Variants in WDFY4 observed in about 807,000 individuals in gnomAD.
The protein encoded by WDFY4 is WD repeat- and FYVE domain-containing protein 4.
A neutral mutation model predicts 351.9 loss-of-function variants in WDFY4; 169 were observed. The ratio of observed to expected loss-of-function variants is 0.48; its 90% CI spans 0.42 to 0.55. The LOEUF is 0.55. Among genes scored for constraint, WDFY4 ranks in the 20% least tolerant of loss-of-function variants. The pLI, the probability that WDFY4 is intolerant of heterozygous loss-of-function variation, is 0.00. For synonymous variants in WDFY4, 1,622 were observed against 1,574.6 expected, an observed-to-expected ratio of 1.03 and a Z score of -0.71; for missense variants, 3,803 against 3,935.6, an observed-to-expected ratio of 0.97 and a Z score of 0.90.
chr10:48,776,996 T>C lies in WDFY4; in HGVS notation c.3098+12T>C, dbSNP rs2066053021. 6.5e-7 allele frequency: 1 copy of C among 1,540,636 alleles called. No individual in the cohort carries two copies. Among genetic ancestry groups the C allele is most frequent in the South Asian group, 1.2e-5 (1 of 82,306 alleles). On this transcript the variant is annotated intron_variant, in intron 16 of 61. Transcript: ENST00000325239. ...GTGGAAGGTTATGGGTATGACAGGC[T>C]TTCACATATTTAAAATGCACTTTAT...
At chr10:48,726,409 T>C (rs1274973340) in intron 6 of WDFY4, among the ~76,000 whole-genome samples, 2 of 152,260 alleles carry the variant, frequency 1.3e-5, no homozygotes, top group African/African-American at 4.8e-5. Flanking sequence ...TAGCTATTAA[T>C]GCCATTTTAG....
intron 61 of WDFY4, among the ~76,000 whole-genome samples, chr10:48,981,760 T>A (rs1012796483): frequency 3.9e-5 from 6 of 152,208 alleles, no homozygotes; most frequent in Admixed American, 2.6e-4. Flanking sequence ...GAGGTATAAG[T>A]ATATTGTTTT....
At chr10:48,703,256 G>A (rs921111865) in intron 1 of WDFY4, among the ~76,000 whole-genome samples, 4 of 152,148 alleles carry the variant, frequency 2.6e-5, no homozygotes, top group Admixed American at 6.5e-5. Flanking sequence ...TGTTTGGATC[G>A]GCTGACAAGC....
intron 37 of WDFY4, among the ~76,000 whole-genome samples, chr10:48,830,009 G>A (rs1050783608): frequency 6.6e-6 from 1 of 152,310 alleles, no homozygotes; most frequent in East Asian, 1.9e-4. Context: ...GCTGGGCACT[G>A]TCCATTCCCT....
At chr10:48,751,993 A>G (rs2065198619) in intron 12 of WDFY4, among the ~76,000 whole-genome samples, 2 of 152,178 alleles carry the variant, frequency 1.3e-5, no homozygotes, top group African/African-American at 4.8e-5. Flanking sequence ...TCCCAAAGAT[A>G]CAGGCACTTT....
chr10:48,823,221 G>T, intron 35 of WDFY4: 1 of 1,302,920 alleles, frequency 7.7e-7, no homozygotes, highest in Non-Finnish European at 1.0e-6. Context: ...TTCCTGACAA[G>T]CCTCCAGGAA....
intron 49 of WDFY4, among the ~76,000 whole-genome samples, chr10:48,945,348 C>G (rs1452010292): frequency 6.6e-6 from 1 of 152,100 alleles, no homozygotes; most frequent in Non-Finnish European, 1.5e-5. Context: ...TCCATACCAG[C>G]CTGGGCAACA....
chr10:48,731,213 C>A lies in WDFY4; in HGVS notation c.1233C>A (p.Thr411=). 13 of 1,551,816 alleles carry A rather than the reference C, an allele frequency of 8.4e-6. No homozygotes were observed. Among genetic ancestry groups the A allele is most frequent in the African/African-American group, 1.4e-5 (1 of 73,158 alleles). Reference sequence around the variant, plus strand: ...TACAAGTCTTGTCAGTCATCAGGACCATGTGGGCCTGGAATGCTCGAAACT... The same window carrying A: ...TACAAGTCTTGTCAGTCATCAGGACAATGTGGGCCTGGAATGCTCGAAACT... ...LCIQVLSVIR[T]MWAWNARNFF... Residue 411 remains threonine, a synonymous_variant, in exon 9 of 62, where the codon ACC becomes ACA. Transcript: ENST00000325239.
In WDFY4 at chr10:48,786,703, T is replaced by C; in HGVS notation, c.3641T>C (p.Val1214Ala). ...LSMDPSAFVD[V>A]YGYIATPRVW... is the part of the protein sequence containing the mutation. ...ATGGATCCATCCGCATTTGTGGATG[T>C]TTATGGATATATTGCTACTCCTCGA... The change falls in exon 20 of 62, where the codon GTT becomes GCT. Residue 1214 changes from valine (V) to alanine (A), a missense_variant. Val to Ala is a moderately conservative substitution (Grantham distance 64). Around this residue, in one of 3 missense-constraint regions of WDFY4, gnomAD observed 3,054 missense variants for 3,148.6 expected, o/e 0.97. Coordinates refer to ENST00000325239, the MANE Select transcript of WDFY4 (RefSeq NM_001394531.1). 1.9e-6 allele frequency: 3 copies of C among 1,552,288 alleles called. No individual in the cohort carries two copies. The highest frequency in any genetic ancestry group is 2.6e-6 in the Non-Finnish European group (3 of 1,147,112).
chr10:48,823,612 C>A, intron 35 of WDFY4: 1 of 1,030,204 alleles, frequency 9.7e-7, no homozygotes, highest in Non-Finnish European at 1.2e-6. Flanking sequence ...AGAAATAGCC[C>A]TTGTCAGCTC....
Position 48,900,325 on chromosome 10 carries a change from T to G in WDFY4, c.7523+19T>G, listed in dbSNP as rs1318399078. ...TTAAAAGGTAAGAGCTTGAAAATCCTCCTTCTGAGGAAACTGATCCTGAAC... is the reference window on the plus strand; with the variant it reads ...TTAAAAGGTAAGAGCTTGAAAATCCGCCTTCTGAGGAAACTGATCCTGAAC... On this transcript the variant is annotated intron_variant, in intron 46 of 61. Coordinates refer to ENST00000325239, the MANE Select transcript of WDFY4 (RefSeq NM_001394531.1). 6.5e-7 allele frequency: 1 copy of G among 1,543,808 alleles called. No homozygotes were observed. Among genetic ancestry groups the G allele is most frequent in the Non-Finnish European group, 8.8e-7 (1 of 1,140,692 alleles).
At chr10:48,768,066 T>A (rs911415853) in intron 13 of WDFY4, among the ~76,000 whole-genome samples, 1 of 152,192 alleles carries the variant, frequency 6.6e-6, no homozygotes, top group Non-Finnish European at 1.5e-5. Flanking sequence ...CTGATTTGGA[T>A]TAGCCTGGGC....
chr10:48,841,350 ATGTT>A (rs1013985797), intron 39 of WDFY4, among the ~76,000 whole-genome samples: 1 of 148,836 alleles, frequency 6.7e-6, no homozygotes, highest in Non-Finnish European at 1.5e-5. Flanking sequence ...ATTTTATTTA[ATGTT>A]TGTTTGTATT....
chr10:48,713,216 T>C (rs1354711059), intron 2 of WDFY4, among the ~76,000 whole-genome samples: 10 of 152,194 alleles, frequency 6.6e-5, no homozygotes, highest in Non-Finnish European at 1.2e-4. Context: ...GGTTGACAGC[T>C]GTGTGTGCCT....
intron 12 of WDFY4, among the ~76,000 whole-genome samples, chr10:48,747,528 T>C (rs2065050969): frequency 6.6e-6 from 1 of 152,192 alleles, no homozygotes; most frequent in African/African-American, 2.4e-5. Context: ...TTCTTTTACA[T>C]TTTTCATCTC....
Position 48,787,902 on chromosome 10 carries a change from TC to T in WDFY4, c.3809-627del, listed in dbSNP as rs1167928391. 6.6e-5 allele frequency among the ~76,000 whole-genome samples: 2 copies of T among 30,444 alleles called. 1 individual carries two copies. The highest frequency in any genetic ancestry group is 1.6e-3 in the East Asian group (2 of 1,230). The allele number at this position is 30,444 out of a possible 152,430, so 20.0% of individuals were successfully genotyped here. On this transcript the variant is annotated intron_variant, in intron 20 of 61. Coordinates refer to ENST00000325239, the MANE Select transcript of WDFY4 (RefSeq NM_001394531.1). ...TCTTTCTTCTTCTTCTCCTTCTTCT[TC>T]TTCTTCTTCTTCTTCTTCTTCTTCT...
At chr10:48,927,463 C>T (rs1267233346) in intron 47 of WDFY4, among the ~76,000 whole-genome samples, 4 of 152,244 alleles carry the variant, frequency 2.6e-5, no homozygotes, top group East Asian at 1.9e-4. Flanking sequence ...CTTCCCATTA[C>T]GTCAAAACTT....
chr10:48,731,632 T>G lies in WDFY4; in HGVS notation c.1582+70T>G, dbSNP rs531776672. 2.6e-4 allele frequency: 379 copies of G among 1,461,214 alleles called. 3 individuals carry two copies. The African/African-American group carries it at 4.7e-3, about 18-fold the overall frequency. The allele number at this position is 1,461,214 out of a possible 1,614,324, so 90.5% of individuals were successfully genotyped here. On this transcript the variant is annotated intron_variant, in intron 9 of 61. Transcript: ENST00000325239. ...GCCAGGCCTGACCTTTGGGCCAATC[T>G]GGCTGCCCATCAAATGCAACAGAAA...
At chr10:48,908,912 C>T (rs1191428477) in intron 47 of WDFY4, among the ~76,000 whole-genome samples, 3 of 152,202 alleles carry the variant, frequency 2.0e-5, no homozygotes, top group Non-Finnish European at 4.4e-5. Flanking sequence ...TTATGCCTAC[C>T]TCCCTGTCTT....
Sources: allele counts gnomAD v4.1 joint callset (sites outside exome capture counted in the v4.1 genomes callset), GRCh38; gene constraint gnomAD v4.1.1; regional missense constraint gnomAD v4.1.1; transcripts MANE v1.5; gene names NCBI Gene and HGNC (gene_info 2026-07-23, HGNC 2026-07-21).